The following BIRC6 variants were observed in gnomAD, a reference collection of about 807,000 sequenced individuals.
BIRC6 encodes the protein baculoviral IAP repeat containing 6, also known as dual E2 ubiquitin-conjugating enzyme/E3 ubiquitin-protein ligase BIRC6.
In BIRC6, 98 loss-of-function variants were observed where a neutral mutation model predicts 503.3. The ratio of observed to expected loss-of-function variants is 0.19; its 90% CI spans 0.17 to 0.23. The LOEUF (loss-of-function observed/expected upper bound fraction) is 0.23. BIRC6 is among the 10% of genes least tolerant of loss of function. The pLI is 1.00. For missense variants in BIRC6, 5,360 were observed against 5,806.0 expected, an observed-to-expected ratio of 0.92 and a Z score of 2.50; for synonymous variants, 2,240 against 2,078.7, an observed-to-expected ratio of 1.08 and a Z score of -2.11.
chr2:32,490,235 G>A, intron 43 of BIRC6, 84 bp downstream of exon 43: 1 of 1,213,504 alleles, frequency 8.2e-7, no homozygotes, highest in Non-Finnish European at 1.2e-6. Context: ...AGTTTTCCAA[G>A]GAGTGGTATA....
At chr2:32,457,923 AAC>A (rs2047422779) in intron 23 of BIRC6, among the ~76,000 whole-genome samples, 1 of 152,158 alleles carries the variant, frequency 6.6e-6, no homozygotes, top group African/African-American at 2.4e-5. Flanking sequence ...AATACTTCAA[AAC>A]AGATCTAATA....
intron 1 of BIRC6, among the ~76,000 whole-genome samples, chr2:32,375,889 G>C (rs1263544871): frequency 6.6e-6 from 1 of 151,940 alleles, no homozygotes; most frequent in Non-Finnish European, 1.5e-5. Context: ...TAAACCCGAT[G>C]AAAATACATG....
At position 32,445,221 on chromosome 2, in the gene BIRC6, A is replaced by G. The variant is rs148627592; in HGVS notation, c.4337-300A>G. On this transcript the variant is annotated intron_variant, in intron 20 of 73. Transcript: ENST00000421745. ...GAAGTGTCCCTCAGAGGCATCTCAC[A>G]TTATTATACACCTAAATAAATACAC... Among the ~76,000 whole-genome samples the G allele has an allele frequency of 1.3e-3, 197 of 152,336 alleles. 1 individual carries two copies. The highest frequency in any genetic ancestry group is 4.5e-3 in the African/African-American group (188 of 41,580).
At position 32,525,485 on chromosome 2, in the gene BIRC6, G is replaced by A. The variant is rs1030484285; in HGVS notation, c.11777G>A (p.Arg3926His). ...TTAGGGCTGAAGTCTCAATCTAAACGTGCTGTGTCAGCTACACCACCTCGC... is the reference window on the plus strand; with the variant it reads ...TTAGGGCTGAAGTCTCAATCTAAACATGCTGTGTCAGCTACACCACCTCGC... ...VASGLKSQSK[R>H]AVSATPPRPP... The change falls in exon 59 of 74, where the codon CGT (arginine) becomes CAT (histidine). Residue 3926 changes from arginine to histidine, a missense_variant. Around this residue, in one of 16 missense-constraint regions of BIRC6, gnomAD observed 878 missense variants for 928.9 expected, o/e 0.95. Transcript: ENST00000421745. The A allele has an allele frequency of 3.7e-6, 6 of 1,613,918 alleles. No individual in the cohort carries two copies. The highest frequency in any genetic ancestry group is 3.3e-5 in the Admixed American group (2 of 60,014).
At chr2:32,553,433 G>A (rs960349670) in intron 65 of BIRC6, among the ~76,000 whole-genome samples, 2 of 151,448 alleles carry the variant, frequency 1.3e-5, no homozygotes, top group Non-Finnish European at 2.9e-5. Context: ...TGTCGCCCAG[G>A]CTGGAGTGCA....
At chr2:32,362,010 T>A (rs2034166105) in intron 1 of BIRC6, among the ~76,000 whole-genome samples, 1 of 152,198 alleles carries the variant, frequency 6.6e-6, no homozygotes. Context: ...GTGCAGGTTT[T>A]TGTGTAGACA....
chr2:32,572,290 A>G (rs1449352706), intron 65 of BIRC6, among the ~76,000 whole-genome samples: 1 of 152,142 alleles, frequency 6.6e-6, no homozygotes, highest in Non-Finnish European at 1.5e-5. Flanking sequence ...TTTCTGTCTC[A>G]ATTATCTTTC....
intron 10 of BIRC6, among the ~76,000 whole-genome samples, chr2:32,425,719 C>A (rs555763748): frequency 6.6e-6 from 1 of 152,306 alleles, no homozygotes; most frequent in African/African-American, 2.4e-5. Flanking sequence ...TCGGCTTTGT[C>A]CCCTTAAATC....
Position 32,508,011 on chromosome 2 carries a change from T to G in BIRC6, c.9732T>G (p.Ser3244Arg), listed in dbSNP as rs982441882. 1.2e-6 allele frequency: 2 copies of G among 1,613,808 alleles called. No homozygotes were observed. The highest frequency in any genetic ancestry group is 1.3e-5 in the African/African-American group (1 of 74,902). ...TCPSSVSVEVSADGVNMLPLS... is the reference protein window; with the variant it reads ...TCPSSVSVEVRADGVNMLPLS... ...CTTCCTCAGTGTCTGTTGAAGTAAG[T>G]GCAGATGGGGTAAATATGCTACCTT... The change falls in exon 51 of 74, where the codon AGT becomes AGG. Residue 3244 changes from serine to arginine, a missense_variant. Around this residue, in one of 16 missense-constraint regions of BIRC6, gnomAD observed 267 missense variants for 287.6 expected, o/e 0.93. Transcript: ENST00000421745.
At chr2:32,461,055 CTCTTCTCTTCTGT>C (rs1558789745) in intron 23 of BIRC6, among the ~76,000 whole-genome samples, 1,991 of 71,850 alleles carry the variant, frequency 0.028, 206 homozygotes, top group Non-Finnish European at 0.045. Context: ...CTCTTCTCTT[CTCTTCTCTTCTGT>C]TCTCCTCTCC....
chr2:32,547,496 A>G (rs1280484274), intron 63 of BIRC6, among the ~76,000 whole-genome samples: 1 of 152,150 alleles, frequency 6.6e-6, no homozygotes, highest in Non-Finnish European at 1.5e-5. Flanking sequence ...TTCATTTAGT[A>G]TAATGTTTTC....
chr2:32,433,772 A>G lies in BIRC6; in HGVS notation c.3377A>G (p.Lys1126Arg), dbSNP rs1268350224. The G allele has an allele frequency of 1.3e-6, 2 of 1,584,724 alleles. No individual in the cohort carries two copies. Among genetic ancestry groups the G allele is most frequent in the Non-Finnish European group, 1.7e-6 (2 of 1,158,448 alleles). ...NIPQIQVTLLKNKAPGLGKVN... is the reference protein window; with the variant it reads ...NIPQIQVTLLRNKAPGLGKVN... ...CCACAGATACAAGTGACACTGCTGAAAAATAAAGCTCCAGGATTAGGGAAA... is the reference window on the plus strand; with the variant it reads ...CCACAGATACAAGTGACACTGCTGAGAAATAAAGCTCCAGGATTAGGGAAA... Residue 1126 changes from lysine (K) to arginine (R), a missense_variant, in exon 13 of 74, where the codon AAA (lysine) becomes AGA (arginine). Coordinates refer to ENST00000421745, the MANE Select transcript of BIRC6 (RefSeq NM_016252.4).
intron 61 of BIRC6, among the ~76,000 whole-genome samples, chr2:32,536,132 C>G (rs1176720302): frequency 6.6e-6 from 1 of 152,096 alleles, no homozygotes; most frequent in African/African-American, 2.4e-5. Context: ...TCATATCCTT[C>G]GCCCACTTTT....
Position 32,430,968 on chromosome 2 carries a change from T to A in BIRC6, c.3126T>A (p.Val1042=). The change falls in exon 12 of 74, where the codon GTT becomes GTA. Residue 1042 remains valine (V), a synonymous_variant. Transcript: ENST00000421745. The stretch of plus-strand genomic sequence containing the variant: ...TGACTCCAAGGTTTTCAGCGACTGT[T>A]CCTCCATGCTGGGTAGAAGTTCAAC... ...ETLTPRFSAT[V]PPCWVEVQQE... 6.2e-7 allele frequency: 1 copy of A among 1,613,474 alleles called. No homozygotes were observed. Among genetic ancestry groups the A allele is most frequent in the Non-Finnish European group, 8.5e-7 (1 of 1,179,758 alleles).
chr2:32,357,588 A>G lies in BIRC6; in HGVS notation c.325+102A>G. 1 of 1,480,482 alleles carries G rather than the reference A, an allele frequency of 6.8e-7. No individual in the cohort carries two copies. The highest frequency in any genetic ancestry group is 1.3e-5 in the South Asian group (1 of 77,218). The allele number at this position is 1,480,482 out of a possible 1,614,324, so 91.7% of individuals were successfully genotyped here. A position where few individuals can be genotyped will look rare whatever the true frequency, so the allele number is the denominator to read the frequency against. ...CGGGGAAGCGAGATGGCGAGAGGGC[A>G]GGGCTGGGGGTTCGGGCCCAGCCGT... On this transcript the variant is annotated intron_variant, in intron 1 of 73. Transcript: ENST00000421745. The surrounding 1 kb of genome is among the most constrained non-coding windows in gnomAD (Gnocchi z 4.9).
chr2:32,525,693 G>A, intron 59 of BIRC6, 65 bp downstream of exon 59: 2 of 1,486,820 alleles, frequency 1.3e-6, no homozygotes, highest in South Asian at 2.7e-5. Context: ...GTAAATCAGA[G>A]GCACAGTCAC....
chr2:32,565,274 G>C (rs2059459015), intron 65 of BIRC6: 1 of 152,166 alleles, frequency 6.6e-6, no homozygotes, highest in African/African-American at 2.4e-5. Context: ...TTGATATTGG[G>C]TAGAAAGAGG....
chr2:32,593,751 CCTACCCATAA>C (rs2061519242), intron 66 of BIRC6, among the ~76,000 whole-genome samples, 154 bp from the exon 67 acceptor site: 1 of 152,024 alleles, frequency 6.6e-6, no homozygotes. Flanking sequence ...GAAGGGAAAA[CCTACCCATAA>C]CTTTACTAGC....
At position 32,465,253 on chromosome 2, in the gene BIRC6, T is replaced by A; in HGVS notation, c.5356+89T>A. The A allele has an allele frequency of 5.2e-6, 3 of 577,442 alleles. No homozygotes were observed. In the South Asian group the frequency reaches 8.7e-5, roughly 17 times the overall value. The allele number at this position is 577,442 out of a possible 1,614,324, so 35.8% of individuals were successfully genotyped here. ...GACTCATTATTCTTCAGTTCGATTT[T>A]TTTTTTTTTTTTTTTTGCAAATCGC... On this transcript the variant is annotated intron_variant, in intron 26 of 73. Transcript: ENST00000421745.
Sources: gnomAD v4.1 joint callset for allele counts (sites outside exome capture counted in the v4.1 genomes callset) on GRCh38, gnomAD v4.1.1 for gene constraint, gnomAD v4.1.1 regional missense constraint, Gnocchi (gnomAD v3.1) non-coding constraint, MANE v1.5 for transcripts, NCBI Gene and HGNC (gene_info 2026-07-23, HGNC 2026-07-21) for gene names.